The following NDST4 variants were observed in gnomAD, a reference collection of about 807,000 sequenced individuals.
The protein encoded by NDST4 is N-deacetylase and N-sulfotransferase 4.
Under a neutral mutation model 100.8 loss-of-function variants are expected in NDST4, and 63 were observed. The observed-to-expected ratio is 0.62, with a 90% CI of 0.51 to 0.77. The LOEUF is 0.77. Among genes scored for constraint, NDST4 ranks in the 30% least tolerant of loss-of-function variants. NDST4 has a pLI of 0.00. For synonymous variants in NDST4, 377 were observed against 361.8 expected (o/e 1.04, Z -0.48); for missense variants, 943 against 1,018.4 (o/e 0.93, Z 1.01).
Position 114,833,737 on chromosome 4 carries a change from C to A in NDST4, c.2287-22G>T, listed in dbSNP as rs778772810. ...GCAACTGTAAAGTCAGAAATAGTCA[C>A]TTTATGAAGAAAAAAATTAAATTGA... On this transcript the variant is annotated intron_variant, in intron 11 of 13. Coordinates refer to ENST00000264363, the MANE Select transcript of NDST4 (RefSeq NM_022569.3). The A allele has an allele frequency of 3.3e-6, 5 of 1,507,016 alleles. No individual in the cohort carries two copies. The South Asian group carries it at 3.5e-5, about 11-fold the overall frequency. The allele number at this position is 1,507,016 out of a possible 1,614,324, so 93.4% of individuals were successfully genotyped here.
chr4:115,089,188 G>T (rs1729464069), intron 1 of NDST4, among the ~76,000 whole-genome samples: 1 of 151,976 alleles, frequency 6.6e-6, no homozygotes, highest in African/African-American at 2.4e-5. Context: ...GATGGAAGGA[G>T]TCTGAACTTC....
At chr4:114,913,293 T>C (rs1725099967) in intron 6 of NDST4, among the ~76,000 whole-genome samples, 2 of 152,052 alleles carry the variant, frequency 1.3e-5, no homozygotes, top group African/African-American at 4.8e-5. Flanking sequence ...AGGTTTTTGA[T>C]TGTAAGCTAT....
At chr4:115,081,135 C>T (rs1209597851) in intron 1 of NDST4, among the ~76,000 whole-genome samples, 3 of 150,558 alleles carry the variant, frequency 2.0e-5, no homozygotes. Context: ...ATCTGCCAAC[C>T]CAAAGAATAA....
intron 2 of NDST4, among the ~76,000 whole-genome samples, chr4:115,004,886 T>G (rs2126257513): frequency 6.6e-6 from 1 of 152,280 alleles, no homozygotes; most frequent in South Asian, 2.1e-4. Flanking sequence ...ACAGCTTAAT[T>G]TTCAGGTGAA....
At chr4:114,875,914 C>T (rs918908197) in intron 6 of NDST4, among the ~76,000 whole-genome samples, 1 of 152,042 alleles carries the variant, frequency 6.6e-6, no homozygotes, top group Non-Finnish European at 1.5e-5. Context: ...TATCAGTAGC[C>T]AGAATATATT....
At chr4:115,039,202 G>T (rs1333478801) in intron 2 of NDST4, among the ~76,000 whole-genome samples, 2 of 152,160 alleles carry the variant, frequency 1.3e-5, no homozygotes, top group South Asian at 2.1e-4. Context: ...AGAGGAGGAA[G>T]CAAAGGAAAG....
At chr4:114,990,545 G>A (rs1727014709) in intron 2 of NDST4, among the ~76,000 whole-genome samples, 1 of 151,968 alleles carries the variant, frequency 6.6e-6, no homozygotes, top group South Asian at 2.1e-4. Flanking sequence ...GGCCAGCAGT[G>A]AGATAAAGTC....
intron 2 of NDST4, among the ~76,000 whole-genome samples, chr4:115,049,847 T>C (rs1728546637): frequency 6.6e-6 from 1 of 152,168 alleles, no homozygotes; most frequent in African/African-American, 2.4e-5. Flanking sequence ...ATATGTTTTG[T>C]GCTATCTTGG....
intron 6 of NDST4, among the ~76,000 whole-genome samples, chr4:114,898,138 T>A (rs989538183): frequency 6.6e-6 from 1 of 152,178 alleles, no homozygotes; most frequent in Admixed American, 6.5e-5. Context: ...ATACCCAAGG[T>A]CATCTACGTT....
chr4:114,848,367 A>AT (rs1418430695), intron 8 of NDST4, 29 bp from the exon 9 acceptor site: 1 of 1,491,868 alleles, frequency 6.7e-7, no homozygotes, highest in Non-Finnish European at 9.1e-7. Flanking sequence ...GTAAAAGGTT[A>AT]TATGGCAATA....
At chr4:115,035,293 A>G (rs1728209335) in intron 2 of NDST4, among the ~76,000 whole-genome samples, 1 of 152,166 alleles carries the variant, frequency 6.6e-6, no homozygotes, top group Non-Finnish European at 1.5e-5. Flanking sequence ...GTAATAAAAC[A>G]ATAATGCAAG....
At chr4:114,918,903 G>GC (rs2126218201) in intron 6 of NDST4, among the ~76,000 whole-genome samples, 1 of 152,214 alleles carries the variant, frequency 6.6e-6, no homozygotes, top group Admixed American at 6.5e-5. Flanking sequence ...TCTGCAGATT[G>GC]TTTTTTGTTT....
intron 11 of NDST4, among the ~76,000 whole-genome samples, chr4:114,839,137 A>C (rs1021517039): frequency 1.3e-5 from 2 of 152,180 alleles, no homozygotes; most frequent in Non-Finnish European, 1.5e-5. Context: ...TGTTTTAGAG[A>C]TATTTATAAT....
At chr4:114,918,565 A>T (rs1178171208) in intron 6 of NDST4, among the ~76,000 whole-genome samples, 5 of 151,634 alleles carry the variant, frequency 3.3e-5, no homozygotes, top group Admixed American at 6.6e-5. Flanking sequence ...ATAAATAAAA[A>T]AAAAATAAAA....
At chr4:115,074,732 G>A (rs1578502187) in intron 2 of NDST4, among the ~76,000 whole-genome samples, 1 of 151,962 alleles carries the variant, frequency 6.6e-6, no homozygotes, top group East Asian at 1.9e-4. Flanking sequence ...GTGGCCATCA[G>A]GTCTTAGGAT....
chr4:114,880,958 G>A (rs28587008), intron 6 of NDST4, among the ~76,000 whole-genome samples: 13,634 of 152,030 alleles, frequency 0.09, 1,794 homozygotes, highest in African/African-American at 0.29. Flanking sequence ...AAGACAGAAC[G>A]CATAGTGAAA....
intron 2 of NDST4, among the ~76,000 whole-genome samples, chr4:114,986,832 A>ATATATATATTTTTTTTTTT: frequency 7.4e-5 from 7 of 94,662 alleles, no homozygotes; most frequent in East Asian, 3.6e-4. Flanking sequence ...ATATATATAT[A>ATATATATATTTTTTTTTTT]TTTTAATATA....
intron 11 of NDST4, among the ~76,000 whole-genome samples, chr4:114,838,476 T>C (rs1164714820): frequency 6.6e-6 from 1 of 152,194 alleles, no homozygotes; most frequent in East Asian, 1.9e-4. Context: ...CACCATGGAA[T>C]ACTATGCAGC....
At chr4:114,835,070 G>C (rs535055718) in intron 11 of NDST4, among the ~76,000 whole-genome samples, 1 of 151,846 alleles carries the variant, frequency 6.6e-6, no homozygotes, top group African/African-American at 2.4e-5. Flanking sequence ...ACCAGCTCTT[G>C]GATTCATGGA....
Sources: allele counts gnomAD v4.1 joint callset (sites outside exome capture counted in the v4.1 genomes callset), GRCh38; gene constraint gnomAD v4.1.1; transcripts MANE v1.5; gene names NCBI Gene and HGNC (gene_info 2026-07-23, HGNC 2026-07-21).